Variants in MBOAT1 observed in about 807,000 individuals in gnomAD.
MBOAT1 encodes the protein membrane-bound glycerophospholipid O-acyltransferase 1.
MBOAT1 carries 67 observed loss-of-function variants against 64.4 expected under a neutral mutation model. The ratio of observed to expected loss-of-function variants is 1.04; its 90% CI spans 0.85 to 1.27. The LOEUF (loss-of-function observed/expected upper bound fraction) is 1.27. Ranked by LOEUF, MBOAT1 falls within the 50% of genes most tolerant of loss-of-function variation. The pLI is 0.00. For synonymous variants in MBOAT1, 229 were observed against 218.9 expected (o/e 1.05, Z -0.41); for missense variants, 563 against 604.6 (o/e 0.93, Z 0.72).
intron 1 of MBOAT1, among the ~76,000 whole-genome samples, chr6:20,158,483 A>G (rs899547473): frequency 6.6e-6 from 1 of 152,230 alleles, no homozygotes; most frequent in African/African-American, 2.4e-5. Context: ...AGAAGAAAAC[A>G]TAGGCGAAAA....
chr6:20,186,753 G>A (rs1281367707), intron 1 of MBOAT1, among the ~76,000 whole-genome samples: 3 of 152,202 alleles, frequency 2.0e-5, no homozygotes, highest in Non-Finnish European at 4.4e-5. Context: ...GAGAGACAAC[G>A]TGTACTTCTG....
chr6:20,168,744 A>G (rs1762105265), intron 1 of MBOAT1, among the ~76,000 whole-genome samples: 1 of 85,940 alleles, frequency 1.2e-5, no homozygotes, highest in Non-Finnish European at 2.2e-5. Context: ...GAAGGGAGGG[A>G]GGGAGGAAGG....
intron 1 of MBOAT1, among the ~76,000 whole-genome samples, chr6:20,185,694 C>T (rs949212146): frequency 2.0e-5 from 3 of 152,164 alleles, no homozygotes; most frequent in Non-Finnish European, 4.4e-5. Context: ...ATGACAGTGT[C>T]CAACATATGG....
At chr6:20,161,267 C>T (rs994356761) in intron 1 of MBOAT1, among the ~76,000 whole-genome samples, 1 of 151,888 alleles carries the variant, frequency 6.6e-6, no homozygotes, top group African/African-American at 2.4e-5. Context: ...TCCCGTCACT[C>T]CCAGATGGGA....
rs374104154 is a variant in MBOAT1, at chr6:20,152,671, C to T, written c.198G>A (p.Ala66=). The T allele has an allele frequency of 1.1e-5, 18 of 1,611,322 alleles. No homozygotes were observed. In the East Asian group the frequency reaches 2.2e-4, roughly 20 times the overall value. The change falls in exon 2 of 13, where the codon GCG becomes GCA. Residue 66 remains alanine, a synonymous_variant. Coordinates refer to ENST00000324607, the MANE Select transcript of MBOAT1 (RefSeq NM_001080480.3). ...PGTTSSDVRH[A]VATIFGIYFV... ...AATAGATGCCAAAAATGGTGGCAAC[C>T]GCATGCCGGACATCAGAGCTGGTTG...
Position 20,109,901 on chromosome 6 carries a change from ACTTTTTTTTTTT to A in MBOAT1, c.1210-164_1210-153del, listed in dbSNP as rs1760077886. 7 of 297,932 alleles carry A rather than the reference ACTTTTTTTTTTT, an allele frequency of 2.3e-5. 1 individual carries two copies. Among genetic ancestry groups the A allele is most frequent in the South Asian group, 2.3e-4 (3 of 13,268 alleles). 18.5% of individuals were successfully genotyped at this position (297,932 alleles called of 1,614,324 possible). ...ATTTTCGACTACAAATACCATCAGGACTTTTTTTTTTTTTTTTTTTTTTTTTGAGATGGAGTC... is the reference window on the plus strand; with the variant it reads ...ATTTTCGACTACAAATACCATCAGGATTTTTTTTTTTTTTGAGATGGAGTC... On this transcript the variant is annotated intron_variant, in intron 11 of 12. Transcript: ENST00000324607.
chr6:20,193,162 C>G (rs1238068680), intron 1 of MBOAT1, among the ~76,000 whole-genome samples: 1 of 151,542 alleles, frequency 6.6e-6, no homozygotes. Flanking sequence ...CCCGCCACCG[C>G]GCCCGGCTAA....
chr6:20,208,404 C>T (rs986420602), intron 1 of MBOAT1, among the ~76,000 whole-genome samples: 2 of 125,824 alleles, frequency 1.6e-5, no homozygotes, highest in Admixed American at 1.1e-4. Context: ...CGAGATCGTG[C>T]CACTGCACTC....
At chr6:20,127,139 G>A (rs1760677785) in intron 6 of MBOAT1, among the ~76,000 whole-genome samples, 2 of 152,116 alleles carry the variant, frequency 1.3e-5, no homozygotes, top group African/African-American at 4.8e-5. Context: ...AACAAATGAT[G>A]GGTGGAACCA....
Position 20,101,409 on chromosome 6 carries a change from T to C in MBOAT1, c.*877A>G, listed in dbSNP as rs16883345. 0.068 allele frequency among the ~76,000 whole-genome samples: 10,283 copies of C among 152,276 alleles called. 448 individuals carry two copies. Among genetic ancestry groups the C allele is most frequent in the Middle Eastern group, 0.11 (33 of 294 alleles). On this transcript the variant is annotated 3_prime_UTR_variant, in exon 13 of 13. Coordinates refer to ENST00000324607, the MANE Select transcript of MBOAT1 (RefSeq NM_001080480.3). ...GAGGGCATGCCTGACTTTCAGTCCATGCACTAGTCCTCTTGGCTCGTAGAG... is the reference window on the plus strand; with the variant it reads ...GAGGGCATGCCTGACTTTCAGTCCACGCACTAGTCCTCTTGGCTCGTAGAG...
intron 1 of MBOAT1, among the ~76,000 whole-genome samples, chr6:20,195,146 T>A (rs1335990539): frequency 2.6e-5 from 4 of 151,812 alleles, no homozygotes; most frequent in African/African-American, 7.3e-5. Context: ...AGAGATGGGG[T>A]TTTGCCATGA....
intron 8 of MBOAT1, among the ~76,000 whole-genome samples, chr6:20,122,955 C>A (rs1221048947): frequency 6.6e-6 from 1 of 151,964 alleles, no homozygotes. Context: ...CCTCAGCCTT[C>A]TGAGTAGCTG....
intron 1 of MBOAT1, among the ~76,000 whole-genome samples, chr6:20,192,027 T>C (rs2113757211): frequency 6.6e-6 from 1 of 152,336 alleles, no homozygotes; most frequent in Non-Finnish European, 1.5e-5. Context: ...GCATCTGTTT[T>C]AGAAGACTAC....
At chr6:20,174,469 T>A (rs763675714) in intron 1 of MBOAT1, among the ~76,000 whole-genome samples, 34 of 152,186 alleles carry the variant, frequency 2.2e-4, no homozygotes, top group Non-Finnish European at 8.8e-5. Context: ...GATACAGTAA[T>A]AATACAGCAG....
chr6:20,204,302 G>A lies in MBOAT1; in HGVS notation c.99+7834C>T, dbSNP rs531697167. On this transcript the variant is annotated intron_variant, in intron 1 of 12. Coordinates refer to ENST00000324607, the MANE Select transcript of MBOAT1 (RefSeq NM_001080480.3). ...TGCATTGGGCACGTGATATTTCAAGGCTTACAGGCAAACAGCAGTTTACCA... is the reference window on the plus strand; with the variant it reads ...TGCATTGGGCACGTGATATTTCAAGACTTACAGGCAAACAGCAGTTTACCA... 2.0e-5 allele frequency among the ~76,000 whole-genome samples: 3 copies of A among 152,254 alleles called. No homozygotes were observed. In the South Asian group the frequency reaches 6.2e-4, roughly 32 times the overall value.
intron 12 of MBOAT1, among the ~76,000 whole-genome samples, chr6:20,105,556 A>G (rs1245640177): frequency 6.6e-6 from 1 of 152,146 alleles, no homozygotes; most frequent in Non-Finnish European, 1.5e-5. Flanking sequence ...CTTGAGTCCA[A>G]GAGTTTGAGA....
At chr6:20,185,971 T>C (rs957096920) in intron 1 of MBOAT1, among the ~76,000 whole-genome samples, 1 of 152,096 alleles carries the variant, frequency 6.6e-6, no homozygotes, top group African/African-American at 2.4e-5. Flanking sequence ...CACTTGAGGC[T>C]AGGAGTTCAA....
At chr6:20,141,359 C>CT (rs755615744) in intron 4 of MBOAT1, among the ~76,000 whole-genome samples, 1,231 of 99,790 alleles carry the variant, frequency 0.012, 20 homozygotes, top group African/African-American at 0.025. Context: ...TTTTCTTTTT[C>CT]TTTTTTTTTT....
chr6:20,152,739 G>A lies in MBOAT1; in HGVS notation c.130C>T (p.Leu44=), dbSNP rs776368594. ...ATGCGAAACCAGAAAGCAGCAAACAGAGCAACAAGCTGGCATACCACAAAA... is the reference window on the plus strand; with the variant it reads ...ATGCGAAACCAGAAAGCAGCAAACAAAGCAACAAGCTGGCATACCACAAAA... ...VNFVVCQLVA[L]FAAFWFRIYL... The change falls in exon 2 of 13, where the codon CTG becomes TTG. Residue 44 remains leucine, a synonymous_variant. Coordinates refer to ENST00000324607, the MANE Select transcript of MBOAT1 (RefSeq NM_001080480.3). 1.2e-6 allele frequency: 2 copies of A among 1,612,400 alleles called. No individual in the cohort carries two copies. Among genetic ancestry groups the A allele is most frequent in the Admixed American group, 3.3e-5 (2 of 59,992 alleles).
Sources: gnomAD v4.1 joint callset for allele counts (sites outside exome capture counted in the v4.1 genomes callset) on GRCh38, gnomAD v4.1.1 for gene constraint, MANE v1.5 for transcripts, NCBI Gene and HGNC (gene_info 2026-07-23, HGNC 2026-07-21) for gene names.